The following NEXMIF variants were observed in gnomAD, a reference collection of about 807,000 sequenced individuals.
NEXMIF encodes neurite extension and migration factor, also known as XLMR protein related to neurite extension.
Under a neutral mutation model 62.1 loss-of-function variants are expected in NEXMIF, and 8 were observed. The ratio of observed to expected loss-of-function variants is 0.13; its 90% CI spans 0.08 to 0.23. The LOEUF (loss-of-function observed/expected upper bound fraction) is 0.23. Ranked by LOEUF, NEXMIF falls within the 10% of genes least tolerant of loss-of-function variation. The pLI, the probability that NEXMIF is intolerant of heterozygous loss-of-function variation, is 1.00. For synonymous variants in NEXMIF, 404 were observed against 416.6 expected (o/e 0.97, Z 0.37); for missense variants, 976 against 1,113.3 (o/e 0.88, Z 1.75).
chrX:74,818,403 G>A lies in NEXMIF; in HGVS notation c.-47-72706C>T, dbSNP rs775822852. On this transcript the variant is annotated intron_variant, in intron 1 of 3. Transcript: ENST00000055682. ...CTCCCTATTCAAAAAATGGTGATGG[G>A]ATAACTGGCTAGCCATGTGCAGAAG... Among the ~76,000 whole-genome samples, 27 of 111,908 alleles carry A rather than the reference G, an allele frequency of 2.4e-4. No individual in the cohort carries two copies. The South Asian group carries it at 4.1e-3, about 17-fold the overall frequency.
Position 74,741,521 on chromosome X carries a change from C to T in NEXMIF, c.3036G>A (p.Lys1012=). Reference sequence around the variant, plus strand: ...CATCATCGCCATCCTTTTCACAGGACTTCAAGCTTAAGGAGCAATAATTAC... The same window carrying T: ...CATCATCGCCATCCTTTTCACAGGATTTCAAGCTTAAGGAGCAATAATTAC... ...SSSNYCSLSL[K]SCEKDGDDDI... Residue 1012 remains lysine, a synonymous_variant, in exon 3 of 4, where the codon AAG becomes AAA. Transcript: ENST00000055682. 3.3e-6 allele frequency: 4 copies of T among 1,211,631 alleles called. No individual in the cohort carries two copies. The highest frequency in any genetic ancestry group is 4.5e-6 in the Non-Finnish European group (4 of 895,450).
intron 1 of NEXMIF, among the ~76,000 whole-genome samples, chrX:74,838,789 T>C (rs576640647): frequency 1.8e-5 from 2 of 112,266 alleles, no homozygotes; most frequent in African/African-American, 6.5e-5. Flanking sequence ...ATGATTCTTA[T>C]ACATCATTTA....
At chrX:74,888,021 C>T (rs1332988612) in intron 1 of NEXMIF, among the ~76,000 whole-genome samples, 1 of 108,945 alleles carries the variant, frequency 9.2e-6, no homozygotes, top group East Asian at 2.9e-4. Context: ...CCATCATTCT[C>T]AGCAAACTAT....
intron 1 of NEXMIF, among the ~76,000 whole-genome samples, chrX:74,808,262 G>C: frequency 9.1e-6 from 1 of 110,455 alleles, no homozygotes; most frequent in Non-Finnish European, 1.9e-5. Context: ...AAATTAGCCA[G>C]GTGTGGTGGC....
rs1452231551 is a variant in NEXMIF, at chrX:74,854,261, G to T, written c.-48+70622C>A. ...ATGGGATCTATCCCAGGGATGCAAG[G>T]ATGGTTCAACATATACAAAACAATA... On this transcript the variant is annotated intron_variant, in intron 1 of 3. Transcript: ENST00000055682. Among the ~76,000 whole-genome samples the T allele has an allele frequency of 4.5e-5, 5 of 112,156 alleles. No homozygotes were observed. In the East Asian group the frequency reaches 1.4e-3, roughly 31 times the overall value.
At chrX:74,790,222 T>A (rs1408792503) in intron 1 of NEXMIF, among the ~76,000 whole-genome samples, 1 of 104,649 alleles carries the variant, frequency 9.6e-6, no homozygotes, top group African/African-American at 3.7e-5. Flanking sequence ...GCACCATTTA[T>A]TAAATAGGGA....
At chrX:74,798,057 C>T (rs1337837460) in intron 1 of NEXMIF, among the ~76,000 whole-genome samples, 2 of 112,056 alleles carry the variant, frequency 1.8e-5, no homozygotes, top group East Asian at 5.6e-4. Flanking sequence ...CAAGCCCTGG[C>T]CATCCAGCCA....
intron 1 of NEXMIF, among the ~76,000 whole-genome samples, chrX:74,916,348 C>A (rs1046317320): frequency 2.1e-4 from 24 of 111,909 alleles, no homozygotes; most frequent in African/African-American, 7.8e-4. Context: ...CCAAGAAACT[C>A]CCTGAGGTTT....
At chrX:74,923,421 G>A (rs1312652262) in intron 1 of NEXMIF, among the ~76,000 whole-genome samples, 1 of 112,398 alleles carries the variant, frequency 8.9e-6, no homozygotes, top group Non-Finnish European at 1.9e-5. Flanking sequence ...CACTCAGCCA[G>A]TTTTATTTGA....
At chrX:74,900,689 G>A (rs1038036912) in intron 1 of NEXMIF, among the ~76,000 whole-genome samples, 3 of 110,919 alleles carry the variant, frequency 2.7e-5, no homozygotes, top group Non-Finnish European at 5.7e-5. Context: ...TTGAAGGCAG[G>A]GTCTTGAAGA....
At chrX:74,830,696 T>A (rs1445807646) in intron 1 of NEXMIF, among the ~76,000 whole-genome samples, 3 of 112,346 alleles carry the variant, frequency 2.7e-5, no homozygotes, top group Non-Finnish European at 5.6e-5. Context: ...ATGGAATATC[T>A]TTCCATTTTT....
intron 1 of NEXMIF, among the ~76,000 whole-genome samples, chrX:74,908,079 A>G (rs1353656032): frequency 9.0e-6 from 1 of 111,729 alleles, no homozygotes; most frequent in Non-Finnish European, 1.9e-5. Flanking sequence ...GATGACATGG[A>G]ACAGAGCCTC....
At position 74,739,473 on chromosome X, in the gene NEXMIF, C is replaced by T; in HGVS notation, c.4483G>A (p.Ala1495Thr). The T allele has an allele frequency of 8.3e-7, 1 of 1,198,511 alleles. No individual in the cohort carries two copies. Among genetic ancestry groups the T allele is most frequent in the Non-Finnish European group, 1.1e-6 (1 of 889,115 alleles). ...GGTAAAACCCAAAAGGTTGTTTCTGCTTTTAGGAGATTGTAGTCGGAATCC... is the reference window on the plus strand; with the variant it reads ...GGTAAAACCCAAAAGGTTGTTTCTGTTTTTAGGAGATTGTAGTCGGAATCC... ...LRDSDYNLLK[A>T]ETTFWVLPVF... Residue 1495 changes from alanine to threonine, a missense_variant, in exon 4 of 4, where the codon GCA (alanine) becomes ACA (threonine). By Grantham distance (58) the Ala-to-Thr change is moderately conservative. Transcript: ENST00000055682.
At chrX:74,757,717 C>A (rs1291462317) in intron 1 of NEXMIF, among the ~76,000 whole-genome samples, 1 of 111,233 alleles carries the variant, frequency 9.0e-6, no homozygotes, top group African/African-American at 3.3e-5. Flanking sequence ...TCCCTTATTT[C>A]TTTTGCTTGT....
intron 1 of NEXMIF, among the ~76,000 whole-genome samples, chrX:74,852,565 A>G (rs1042058305): frequency 6.2e-5 from 7 of 112,026 alleles, no homozygotes; most frequent in African/African-American, 2.3e-4. Flanking sequence ...AGGCCACACA[A>G]CAAATCTCAA....
At chrX:74,875,970 AG>A (rs2080630474) in intron 1 of NEXMIF, among the ~76,000 whole-genome samples, 1 of 110,827 alleles carries the variant, frequency 9.0e-6, no homozygotes, top group African/African-American at 3.3e-5. Context: ...AATTTTTTGA[AG>A]GTTTTTTTGT....
chrX:74,894,147 A>T (rs138725477), intron 1 of NEXMIF, among the ~76,000 whole-genome samples: 1,346 of 109,658 alleles, frequency 0.012, 20 homozygotes, highest in African/African-American at 0.041. Flanking sequence ...CAAAAAAAAA[A>T]ATATATCTGG....
chrX:74,873,003 A>G (rs2080609709), intron 1 of NEXMIF, among the ~76,000 whole-genome samples: 2 of 106,458 alleles, frequency 1.9e-5, no homozygotes, highest in South Asian at 8.1e-4. Context: ...ATTTATTATT[A>G]TTATACTTTA....
At chrX:74,818,104 T>A (rs891107574) in intron 1 of NEXMIF, among the ~76,000 whole-genome samples, 16 of 108,866 alleles carry the variant, frequency 1.5e-4, no homozygotes, top group African/African-American at 3.7e-4. Context: ...TAAAAAAAAA[T>A]TATAAAAAAA....
Sources: gnomAD v4.1 joint callset for allele counts (sites outside exome capture counted in the v4.1 genomes callset) on GRCh38, gnomAD v4.1.1 for gene constraint, MANE v1.5 for transcripts, NCBI Gene and HGNC (gene_info 2026-07-23, HGNC 2026-07-21) for gene names.